Variants in ABCA12 observed in about 807,000 individuals in gnomAD.
The protein encoded by ABCA12 is ATP binding cassette subfamily A member 12.
Under a neutral mutation model 293.5 loss-of-function variants are expected in ABCA12, and 156 were observed. That is an observed-to-expected ratio of 0.53 (90% CI 0.47 to 0.61). The LOEUF is 0.61. ABCA12 is among the 20% of genes least tolerant of loss of function. ABCA12 has a pLI of 0.00. For missense variants in ABCA12, 2,797 were observed against 3,090.2 expected, an observed-to-expected ratio of 0.91 and a Z score of 2.25; for synonymous variants, 1,063 against 1,108.0, an observed-to-expected ratio of 0.96 and a Z score of 0.81.
chr2:215,089,300 G>T (rs969249737), intron 2 of ABCA12, among the ~76,000 whole-genome samples: 2 of 151,590 alleles, frequency 1.3e-5, no homozygotes, highest in Admixed American at 6.6e-5. Context: ...CCTAAGAATG[G>T]GGAACAAAAC....
At chr2:214,998,291 A>T (rs1321593117) in intron 22 of ABCA12, among the ~76,000 whole-genome samples, 2 of 152,188 alleles carry the variant, frequency 1.3e-5, no homozygotes, top group African/African-American at 2.4e-5. Context: ...TAAAAATGAA[A>T]TAAAATCTAA....
Position 214,940,952 on chromosome 2 carries a change from T to TCTC in ABCA12, c.7436+1970_7436+1972dup, listed in dbSNP as rs1401887145. ...TTGATTTTTTGAAGGGTTTTTCGAGTCTCTATTTCCTTCAGTTCTGCTCTG... is the reference window on the plus strand; with the variant it reads ...TTGATTTTTTGAAGGGTTTTTCGAGTCTCCTCTATTTCCTTCAGTTCTGCTCTG... On this transcript the variant is annotated intron_variant, in intron 50 of 52. Coordinates refer to ENST00000272895, the MANE Select transcript of ABCA12 (RefSeq NM_173076.3). Among the ~76,000 whole-genome samples the TCTC allele has an allele frequency of 3.9e-5, 6 of 152,244 alleles. No individual in the cohort carries two copies. The East Asian group carries it at 1.2e-3, about 29-fold the overall frequency.
intron 5 of ABCA12, among the ~76,000 whole-genome samples, chr2:215,051,656 TGGG>T (rs1701323983): frequency 1.9e-5 from 1 of 52,722 alleles, no homozygotes; most frequent in African/African-American, 4.5e-5. Flanking sequence ...GTGAAGGTGA[TGGG>T]GGAAGGAGAG....
intron 45 of ABCA12, among the ~76,000 whole-genome samples, chr2:214,950,420 G>GTGTA (rs1378877523): frequency 2.7e-4 from 40 of 145,990 alleles, no homozygotes; most frequent in African/African-American, 4.4e-4. Flanking sequence ...GTGTGTGTGT[G>GTGTA]TATATATATG....
chr2:214,966,748 A>T, intron 39 of ABCA12, 100 bp downstream of exon 39: 1 of 1,096,146 alleles, frequency 9.1e-7, no homozygotes, highest in Admixed American at 1.8e-5. Context: ...AGATACCATA[A>T]AATACCTGCC....
chr2:214,937,908 C>A (rs185310241), intron 50 of ABCA12, among the ~76,000 whole-genome samples: 1 of 152,202 alleles, frequency 6.6e-6, no homozygotes, highest in Admixed American at 6.5e-5. Context: ...CATAAATCGG[C>A]AATGGATGTT....
At chr2:215,027,218 C>T (rs957844936) in intron 9 of ABCA12, among the ~76,000 whole-genome samples, 1 of 152,006 alleles carries the variant, frequency 6.6e-6, no homozygotes, top group Non-Finnish European at 1.5e-5. Flanking sequence ...TGGTGGCGGG[C>T]GCCTGTAGTC....
intron 1 of ABCA12, among the ~76,000 whole-genome samples, chr2:215,133,061 C>T (rs147345585): frequency 1.4e-3 from 204 of 150,708 alleles, no homozygotes; most frequent in African/African-American, 4.1e-3. Context: ...TCATCTTTTC[C>T]GTTACAGGGC....
intron 6 of ABCA12, among the ~76,000 whole-genome samples, chr2:215,048,871 G>A (rs1208030348): frequency 2.0e-5 from 3 of 152,158 alleles, no homozygotes; most frequent in Non-Finnish European, 4.4e-5. Context: ...GATGGAGCTG[G>A]AGGCCATTAT....
chr2:215,045,698 TA>T, intron 7 of ABCA12, 138 bp downstream of exon 7: 2 of 792,410 alleles, frequency 2.5e-6, no homozygotes, highest in Non-Finnish European at 4.0e-6. Context: ...CCTTCACTGC[TA>T]AAATCTGCAA....
At chr2:215,056,678 T>C (rs1701426780) in intron 3 of ABCA12, among the ~76,000 whole-genome samples, 1 of 152,034 alleles carries the variant, frequency 6.6e-6, no homozygotes, top group Non-Finnish European at 1.5e-5. Flanking sequence ...ACTCTTAAAA[T>C]GGAAATCACA....
chr2:214,954,239 T>C (rs1304175110), intron 43 of ABCA12, 132 bp from the exon 44 acceptor site: 2 of 901,406 alleles, frequency 2.2e-6, no homozygotes, highest in Non-Finnish European at 3.4e-6. Context: ...ATTTCCCATA[T>C]AGGCTGAATT....
intron 22 of ABCA12, among the ~76,000 whole-genome samples, chr2:214,998,033 A>G (rs1316958441): frequency 6.8e-6 from 1 of 147,366 alleles, no homozygotes; most frequent in East Asian, 2.0e-4. Context: ...GAAAAAAAAA[A>G]GCTCTGGATT....
At chr2:215,075,402 C>T (rs575629059) in intron 2 of ABCA12, 30 of 558,262 alleles carry the variant, frequency 5.4e-5, no homozygotes, top group Middle Eastern at 2.6e-4. Flanking sequence ...AGTTATTGCC[C>T]GGAACTATAT....
chr2:215,025,618 TTGTC>T (rs2106022023), intron 11 of ABCA12, 51 bp downstream of exon 11: 1 of 1,161,324 alleles, frequency 8.6e-7, no homozygotes, highest in East Asian at 2.5e-5. Context: ...TTTGTTTGTT[TTGTC>T]TTTTTGTTTT....
intron 45 of ABCA12, 27 bp downstream of exon 45, chr2:214,950,852 A>G (rs759004565): frequency 1.4e-5 from 23 of 1,604,114 alleles, no homozygotes; most frequent in Non-Finnish European, 2.0e-5. Flanking sequence ...TGAAAAGGAC[A>G]GTTAGAAACA....
chr2:214,978,705 A>G, intron 32 of ABCA12, 99 bp downstream of exon 32: 1 of 1,345,120 alleles, frequency 7.4e-7, no homozygotes, highest in Non-Finnish European at 1.1e-6. Context: ...AATTTTGTGA[A>G]CTATTTTAAA....
Position 214,978,438 on chromosome 2 carries a change from T to A in ABCA12, c.5006A>T (p.Gln1669Leu). The A allele has an allele frequency of 6.2e-7, 1 of 1,613,732 alleles. No individual in the cohort carries two copies. The highest frequency in any genetic ancestry group is 1.1e-5 in the South Asian group (1 of 91,036). The part of the protein sequence containing the change: ...EVFLNLTKES[Q>L]KNSAMSLEHL... ...CTCAAGACTCATAGCACTATTTTTT[T>A]GTGACTCTTTGGTCAAGTTCAGAAA... Residue 1669 changes from glutamine to leucine, a missense_variant, in exon 33 of 53, where the codon CAA (glutamine) becomes CTA (leucine). Gln to Leu is a moderately radical substitution (Grantham distance 113, BLOSUM62 -2). Coordinates refer to ENST00000272895, the MANE Select transcript of ABCA12 (RefSeq NM_173076.3).
At chr2:214,969,791 C>T (rs934432608) in intron 37 of ABCA12, among the ~76,000 whole-genome samples, 2 of 152,000 alleles carry the variant, frequency 1.3e-5, no homozygotes, top group African/African-American at 4.8e-5. Flanking sequence ...AAGAAAATGG[C>T]AGCAATTGAA....
Sources: allele counts gnomAD v4.1 joint callset (sites outside exome capture counted in the v4.1 genomes callset), GRCh38; gene constraint gnomAD v4.1.1; transcripts MANE v1.5; gene names NCBI Gene and HGNC (gene_info 2026-07-23, HGNC 2026-07-21).